The following DYNC2I1 variants were observed in gnomAD, a reference collection of about 807,000 sequenced individuals.
DYNC2I1 encodes the protein cytoplasmic dynein 2 intermediate chain 1.
A neutral mutation model predicts 133.4 loss-of-function variants in DYNC2I1; 89 were observed. The observed-to-expected ratio is 0.67, with a 90% CI of 0.56 to 0.80. The LOEUF is 0.80. Ranked by LOEUF, DYNC2I1 falls within the 30% of genes least tolerant of loss-of-function variation. The probability of loss-of-function intolerance (pLI) is 0.00; values close to 1 mark genes in which losing one functional copy is unlikely to be tolerated. For missense variants in DYNC2I1, 1,291 were observed against 1,314.5 expected, an observed-to-expected ratio of 0.98 and a Z score of 0.28; for synonymous variants, 504 against 484.3, an observed-to-expected ratio of 1.04 and a Z score of -0.54.
chr7:158,945,782 G>C lies in DYNC2I1; in HGVS notation c.*3G>C, dbSNP rs1563217057. ...CAGAGGGAAAACTGCACAAGTAGCG[G>C]GTGTGGCTGAGAGGACCGCGTTTCT... On this transcript the variant is annotated 3_prime_UTR_variant, in exon 25 of 25. Coordinates refer to ENST00000407559, the MANE Select transcript of DYNC2I1 (RefSeq NM_018051.5). This position sits in a 1 kb window ranked among gnomAD's most constrained non-coding sequence, Gnocchi z 4.1. 3 of 1,542,174 alleles carry C rather than the reference G, an allele frequency of 1.9e-6. No individual in the cohort carries two copies. In the Admixed American group the frequency reaches 6.2e-5, roughly 32 times the overall value.
chr7:158,926,204 G>A lies in DYNC2I1; in HGVS notation c.2275G>A (p.Val759Ile), dbSNP rs779753461. Residue 759 changes from valine (V) to isoleucine (I), a missense_variant, in exon 18 of 25, where the codon GTA becomes ATA. Val to Ile is a conservative substitution (Grantham distance 29). Transcript: ENST00000407559. ...AACTCCAGATGGAATCCTTACCTCA[G>A]TAAACCACCGAAGCCCTCTTCAAGC... ...TFSTDGILTS[V>I]NHRSPLQAVE... 4.3e-6 allele frequency: 7 copies of A among 1,613,194 alleles called. No homozygotes were observed. Among genetic ancestry groups the A allele is most frequent in the Non-Finnish European group, 5.1e-6 (6 of 1,179,628 alleles).
chr7:158,958,024 C>A (rs375622615), downstream of DYNC2I1, among the ~76,000 whole-genome samples: 1 of 151,998 alleles, frequency 6.6e-6, no homozygotes, highest in East Asian at 2.0e-4. Context: ...GCCCGTCAGC[C>A]ACAGCCACAC....
intron 23 of DYNC2I1, among the ~76,000 whole-genome samples, chr7:158,937,860 A>G (rs896946134): frequency 6.6e-6 from 1 of 151,458 alleles, no homozygotes; most frequent in East Asian, 1.9e-4. Context: ...TGATTGTGCC[A>G]TTGTCCTCCA....
intron 20 of DYNC2I1, among the ~76,000 whole-genome samples, 192 bp downstream of exon 20, chr7:158,927,235 C>T (rs1849713529): frequency 1.3e-5 from 2 of 151,772 alleles, no homozygotes; most frequent in Admixed American, 1.3e-4. Flanking sequence ...GACCCCGTCT[C>T]TACAAAAAAA....
chr7:158,870,975 A>G (rs976215088), intron 2 of DYNC2I1, among the ~76,000 whole-genome samples, 167 bp from the exon 3 acceptor site: 1 of 152,228 alleles, frequency 6.6e-6, no homozygotes, highest in African/African-American at 2.4e-5. Flanking sequence ...AAGAACATCC[A>G]TGCAGGCTTT....
chr7:158,873,476 G>A (rs1312383109), intron 3 of DYNC2I1, among the ~76,000 whole-genome samples: 1 of 152,176 alleles, frequency 6.6e-6, no homozygotes, highest in African/African-American at 2.4e-5. Flanking sequence ...TTAGGAATAA[G>A]GCTGCTAAGA....
At position 158,920,393 on chromosome 7, in the gene DYNC2I1, C is replaced by T. The variant is rs888460553; in HGVS notation, c.1921+1524C>T. ...AGCGTGTGGCCTCCGTCGGGGAACA[C>T]GTGAAGTGCGTGTGTGTACCACAGT... On this transcript the variant is annotated intron_variant, in intron 15 of 24. Coordinates refer to ENST00000407559, the MANE Select transcript of DYNC2I1 (RefSeq NM_018051.5). 4.7e-5 allele frequency among the ~76,000 whole-genome samples: 7 copies of T among 149,918 alleles called. No homozygotes were observed. In the East Asian group the frequency reaches 7.9e-4, roughly 17 times the overall value.
rs759408629 is a variant in DYNC2I1 at position 158,871,201 on chromosome 7, G to A, written c.129G>A (p.Lys43=). ...AGCACAGAGAGAAGAAGCTGCGTAA[G>A]GAGTCTGAGATGGACCTTCCTGAAC... is the stretch of plus-strand genomic sequence containing the variant. The part of the protein sequence containing the change: ...ERKHREKKLR[K]ESEMDLPEHK... The change falls in exon 3 of 25, where the codon AAG becomes AAA. Residue 43 remains lysine (K), a synonymous_variant. Coordinates refer to ENST00000407559, the MANE Select transcript of DYNC2I1 (RefSeq NM_018051.5). 16 of 1,613,782 alleles carry A rather than the reference G, an allele frequency of 9.9e-6. No homozygotes were observed. In the East Asian group the frequency reaches 3.3e-4, roughly 34 times the overall value.
At chr7:158,917,262 A>C (rs1490508840) in intron 14 of DYNC2I1, among the ~76,000 whole-genome samples, 5 of 120,600 alleles carry the variant, frequency 4.1e-5, no homozygotes, top group African/African-American at 1.6e-4. Flanking sequence ...GACATTAAGG[A>C]TGATTGTGAA....
At chr7:158,855,775 G>A (rs57706982), upstream of DYNC2I1, among the ~76,000 whole-genome samples, 4,825 of 152,194 alleles carry the variant, frequency 0.032, 251 homozygotes, top group African/African-American at 0.11. Flanking sequence ...TTGGCTGAAG[G>A]AGTTCGGAGG....
intron 24 of DYNC2I1, among the ~76,000 whole-genome samples, chr7:158,943,822 T>G (rs1221046637): frequency 2.0e-5 from 3 of 152,194 alleles, no homozygotes; most frequent in Non-Finnish European, 4.4e-5. Flanking sequence ...GAGACCCCGA[T>G]GACTGGCTGC....
rs1203116516 is a variant in DYNC2I1 at position 158,879,851 on chromosome 7, A to G, written c.741A>G (p.Ser247=). The change falls in exon 5 of 25, where the codon TCA becomes TCG. Residue 247 remains serine (S), a synonymous_variant. Transcript: ENST00000407559. ...AATATTCCAAAGAGAAAAGTAATTC[A>G]TTCTCTGACAAAGGGGAAGAAAGAC... is the stretch of plus-strand genomic sequence containing the variant. ...REKYSKEKSN[S]FSDKGEERHK... is the part of the protein sequence containing the mutation. 3 of 1,613,640 alleles carry G rather than the reference A, an allele frequency of 1.9e-6. No individual in the cohort carries two copies. Among genetic ancestry groups the G allele is most frequent in the Non-Finnish European group, 2.5e-6 (3 of 1,179,792 alleles).
chr7:158,918,336 C>T (rs1333889102), intron 14 of DYNC2I1, among the ~76,000 whole-genome samples: 1 of 152,164 alleles, frequency 6.6e-6, no homozygotes, highest in Non-Finnish European at 1.5e-5. Flanking sequence ...TAAGGATGAC[C>T]CTCCTGGAAC....
intron 1 of DYNC2I1, among the ~76,000 whole-genome samples, chr7:158,861,668 A>G (rs1841880363): frequency 6.6e-6 from 1 of 152,176 alleles, no homozygotes; most frequent in Non-Finnish European, 1.5e-5. Context: ...ATCTGCAAAT[A>G]CATGCATACC....
chr7:158,882,720 A>C (rs1050802548), intron 5 of DYNC2I1, among the ~76,000 whole-genome samples: 2 of 152,066 alleles, frequency 1.3e-5, no homozygotes. Flanking sequence ...TAAAAAATAC[A>C]CAAAAATTAG....
chr7:158,895,075 G>A (rs149104205), intron 8 of DYNC2I1, among the ~76,000 whole-genome samples: 171 of 152,236 alleles, frequency 1.1e-3, no homozygotes, highest in African/African-American at 3.7e-3. Context: ...GTTGTCTTTT[G>A]CAAATATTTT....
Position 158,934,428 on chromosome 7 carries a change from G to T in DYNC2I1, c.2657G>T (p.Ser886Ile). 6.2e-7 allele frequency: 1 copy of T among 1,604,078 alleles called. No homozygotes were observed. Among genetic ancestry groups the T allele is most frequent in the African/African-American group, 1.3e-5 (1 of 74,926 alleles). ...FIIGTDMGLI[S>I]HGTRQDLRVA... ...GCTTCTTCTTCACAGGGTCTCATAA[G>T]CCATGGCACAAGACAAGATTTGAGA... Residue 886 changes from serine (S) to isoleucine (I), a missense_variant, in exon 23 of 25, where the codon AGC (serine) becomes ATC (isoleucine). Transcript: ENST00000407559.
intron 5 of DYNC2I1, 76 bp from the exon 6 acceptor site, chr7:158,884,488 G>T: frequency 7.2e-7 from 1 of 1,388,278 alleles, no homozygotes; most frequent in East Asian, 2.6e-5. Flanking sequence ...TGCTTGTTTT[G>T]TGGGGTTTAC....
Position 158,926,979 on chromosome 7 carries a change from A to G in DYNC2I1, c.2434-13A>G. On this transcript the variant is annotated splice_polypyrimidine_tract_variant and intron_variant, in intron 19 of 24. Coordinates refer to ENST00000407559, the MANE Select transcript of DYNC2I1 (RefSeq NM_018051.5). ...AAATGTATCAATATTCATTTTCAAT[A>G]TTCTGTTTTTAGGTGGTTGTTGAAT... is the stretch of plus-strand genomic sequence containing the variant. 1 of 1,585,326 alleles carries G rather than the reference A, an allele frequency of 6.3e-7. No homozygotes were observed. The highest frequency in any genetic ancestry group is 8.6e-7 in the Non-Finnish European group (1 of 1,161,788).
Sources: allele counts gnomAD v4.1 joint callset (sites outside exome capture counted in the v4.1 genomes callset), GRCh38; gene constraint gnomAD v4.1.1; non-coding constraint Gnocchi (gnomAD v3.1); transcripts MANE v1.5; gene names NCBI Gene and HGNC (gene_info 2026-07-23, HGNC 2026-07-21).